The following CAMKMT variants were observed in gnomAD, a reference collection of about 807,000 sequenced individuals.
CAMKMT encodes the protein CaM KMT.
Under a neutral mutation model 48.0 loss-of-function variants are expected in CAMKMT, and 53 were observed. That is an observed-to-expected ratio of 1.10 (90% CI 0.89 to 1.39). The LOEUF is 1.39. Ranked by LOEUF, CAMKMT falls within the 40% of genes most tolerant of loss-of-function variation. CAMKMT has a pLI of 0.00. For synonymous variants in CAMKMT, 165 were observed against 152.3 expected (o/e 1.08, Z -0.61); for missense variants, 428 against 402.7 (o/e 1.06, Z -0.54).
At chr2:44,654,658 G>A (rs1674271237) in intron 3 of CAMKMT, among the ~76,000 whole-genome samples, 2 of 152,094 alleles carry the variant, frequency 1.3e-5, no homozygotes, top group Admixed American at 1.3e-4. Flanking sequence ...GACTACAGAC[G>A]TGTGTCACCA....
intron 3 of CAMKMT, among the ~76,000 whole-genome samples, chr2:44,403,066 T>G (rs1018017323): frequency 1.3e-5 from 2 of 152,172 alleles, no homozygotes; most frequent in Admixed American, 1.3e-4. Flanking sequence ...CAAAACTGAT[T>G]GGAAGGGACA....
intron 3 of CAMKMT, among the ~76,000 whole-genome samples, chr2:44,447,306 T>C (rs764459720): frequency 2.2e-4 from 33 of 152,216 alleles, no homozygotes; most frequent in Admixed American, 1.6e-3. Context: ...CCTTTTATTC[T>C]CCTCGTTTTA....
At chr2:44,765,540 A>T (rs1680804401) in intron 9 of CAMKMT, among the ~76,000 whole-genome samples, 1 of 152,026 alleles carries the variant, frequency 6.6e-6, no homozygotes, top group South Asian at 2.1e-4. Context: ...TTAAAAAAAA[A>T]AAAGGAGATT....
chr2:44,411,289 A>G (rs966683524), intron 3 of CAMKMT, among the ~76,000 whole-genome samples: 88 of 152,176 alleles, frequency 5.8e-4, no homozygotes, highest in African/African-American at 2.0e-3. Context: ...TTGAGTGACT[A>G]TTGCGTGGCA....
chr2:44,545,722 G>A lies in CAMKMT; in HGVS notation c.376+155417G>A, dbSNP rs191889541. On this transcript the variant is annotated intron_variant, in intron 3 of 10. Coordinates refer to ENST00000378494, the MANE Select transcript of CAMKMT (RefSeq NM_024766.5). ...TTAACTATATCAAGATGAAGATACC[G>A]GAGGGGAGAAGGGGATTATGAAGGC... Among the ~76,000 whole-genome samples, 317 of 147,698 alleles carry A rather than the reference G, an allele frequency of 2.1e-3. 7 individuals are homozygous for A. Among genetic ancestry groups the A allele is most frequent in the Admixed American group, 0.015 (223 of 14,486 alleles).
chr2:44,634,119 C>A (rs978518104), intron 3 of CAMKMT, among the ~76,000 whole-genome samples: 3 of 151,952 alleles, frequency 2.0e-5, no homozygotes, highest in Non-Finnish European at 4.4e-5. Context: ...TTTTGCCTAG[C>A]CTGATGGAGT....
At chr2:44,445,985 C>A (rs1439667027) in intron 3 of CAMKMT, among the ~76,000 whole-genome samples, 1 of 151,976 alleles carries the variant, frequency 6.6e-6, no homozygotes, top group Non-Finnish European at 1.5e-5. Flanking sequence ...CTGTCTTCAT[C>A]CTTATCTTTA....
At chr2:44,407,453 C>T (rs1204620904) in intron 3 of CAMKMT, among the ~76,000 whole-genome samples, 2 of 152,130 alleles carry the variant, frequency 1.3e-5, no homozygotes, top group Non-Finnish European at 2.9e-5. Flanking sequence ...AGTGCAGGAT[C>T]CTTGGCATGA....
chr2:44,392,384 G>A (rs1056551028), intron 3 of CAMKMT, among the ~76,000 whole-genome samples: 2 of 151,874 alleles, frequency 1.3e-5, no homozygotes, highest in Admixed American at 1.3e-4. Context: ...ATGATAAATT[G>A]GTAAAGTCCT....
At chr2:44,462,435 AT>A (rs1558634019) in intron 3 of CAMKMT, among the ~76,000 whole-genome samples, 1 of 151,786 alleles carries the variant, frequency 6.6e-6, no homozygotes, top group East Asian at 1.9e-4. Flanking sequence ...AAACTTGGAA[AT>A]TTTTTTTCAT....
chr2:44,625,437 T>G (rs568498046), intron 3 of CAMKMT, among the ~76,000 whole-genome samples: 2 of 152,146 alleles, frequency 1.3e-5, no homozygotes, highest in African/African-American at 4.8e-5. Context: ...AATGTAAGTA[T>G]TGCAGATTTT....
chr2:44,387,833 C>A (rs1440574537), intron 2 of CAMKMT, among the ~76,000 whole-genome samples: 1 of 152,070 alleles, frequency 6.6e-6, no homozygotes, highest in Non-Finnish European at 1.5e-5. Flanking sequence ...TCTTGGCTGA[C>A]AATTGTTTTG....
chr2:44,549,564 C>A, intron 3 of CAMKMT: 1 of 694,796 alleles, frequency 1.4e-6, no homozygotes, highest in South Asian at 1.5e-5. Context: ...GACACAGGGT[C>A]TCACTCTGTT....
chr2:44,608,002 G>A (rs527582606), intron 3 of CAMKMT, among the ~76,000 whole-genome samples: 1 of 150,204 alleles, frequency 6.7e-6, no homozygotes, highest in East Asian at 1.9e-4. Flanking sequence ...CACATACCAG[G>A]TATAATTTTA....
intron 8 of CAMKMT, among the ~76,000 whole-genome samples, chr2:44,753,701 A>G (rs1680250936): frequency 1.3e-5 from 2 of 152,184 alleles, no homozygotes; most frequent in South Asian, 4.1e-4. Flanking sequence ...CAGAGGGCCC[A>G]GGTCTAAGGG....
intron 2 of CAMKMT, among the ~76,000 whole-genome samples, chr2:44,383,026 A>C (rs977293408): frequency 1.3e-4 from 20 of 151,990 alleles, no homozygotes; most frequent in Non-Finnish European, 2.8e-4. Context: ...GTTTCTTCTG[A>C]GGCCTCTTCC....
At chr2:44,397,058 CAAAAAA>C (rs59188592) in intron 3 of CAMKMT, among the ~76,000 whole-genome samples, 1 of 120,430 alleles carries the variant, frequency 8.3e-6, no homozygotes, top group Non-Finnish European at 1.7e-5. Context: ...GACTCCATCT[CAAAAAA>C]AAAAAAAAAA....
At chr2:44,395,345 A>G (rs1384688008) in intron 3 of CAMKMT, among the ~76,000 whole-genome samples, 1 of 152,188 alleles carries the variant, frequency 6.6e-6, no homozygotes, top group Non-Finnish European at 1.5e-5. Context: ...TATATGTAGT[A>G]TATGTGTATA....
At chr2:44,390,050 A>G (rs1681172625) in intron 2 of CAMKMT, among the ~76,000 whole-genome samples, 191 bp from the exon 3 acceptor site, 1 of 152,176 alleles carries the variant, frequency 6.6e-6, no homozygotes, top group African/African-American at 2.4e-5. Context: ...ATTATGTTAA[A>G]TATTCTGAGG....
Sources: allele counts gnomAD v4.1 joint callset (sites outside exome capture counted in the v4.1 genomes callset), GRCh38; gene constraint gnomAD v4.1.1; transcripts MANE v1.5; gene names NCBI Gene and HGNC (gene_info 2026-07-23, HGNC 2026-07-21).